COL3A1: variants seen among roughly 807,000 people sequenced by gnomAD.
The protein encoded by COL3A1 is collagen alpha-1(III) chain.
In COL3A1, 46 loss-of-function variants were observed where a neutral mutation model predicts 200.9. The observed-to-expected ratio is 0.23, with a 90% CI of 0.18 to 0.29. COL3A1 has a LOEUF of 0.29. COL3A1 is among the 10% of genes least tolerant of loss of function. The pLI is 1.00. For synonymous variants in COL3A1, 650 were observed against 628.0 expected (o/e 1.03, Z -0.52); for missense variants, 1,367 against 1,917.6 (o/e 0.71, Z 5.36).
At position 189,011,748 on chromosome 2, in the gene COL3A1, G is replaced by A; in HGVS notation, c.4375G>A (p.Asp1459Asn). 1.2e-6 allele frequency: 2 copies of A among 1,613,938 alleles called. No individual in the cohort carries two copies. Among genetic ancestry groups the A allele is most frequent in the Non-Finnish European group, 1.7e-6 (2 of 1,179,880 alleles). The change falls in exon 51 of 51, where the codon GAC becomes AAC. Residue 1459 changes from aspartate (D) to asparagine (N), a missense_variant. This residue lies in a region of COL3A1 where 846 missense variants were observed against 1,147.9 expected (regional missense o/e 0.74). Coordinates refer to ENST00000304636, the MANE Select transcript of COL3A1 (RefSeq NM_000090.4). ...IGGPDQEFGV[D>N]VGPVCFL Reference sequence around the variant, plus strand: ...TGGTCCTGATCAAGAATTTGGTGTGGACGTTGGCCCTGTTTGCTTTTTATA... The same window carrying A: ...TGGTCCTGATCAAGAATTTGGTGTGAACGTTGGCCCTGTTTGCTTTTTATA...
chr2:189,008,474 T>C, intron 47 of COL3A1: 1 of 414,484 alleles, frequency 2.4e-6, no homozygotes, highest in Non-Finnish European at 4.5e-6. Context: ...GTTTATGTAG[T>C]GCATTTTACT....
chr2:188,991,475 A>T lies in COL3A1; in HGVS notation c.853-12A>T. ...CTTTTGTAAAATAGTAACATATTTTATATGTATCTAGGGTGAAAATGGTCT... is the reference window on the plus strand; with the variant it reads ...CTTTTGTAAAATAGTAACATATTTTTTATGTATCTAGGGTGAAAATGGTCT... On this transcript the variant is annotated splice_polypyrimidine_tract_variant and intron_variant, in intron 11 of 50. Coordinates refer to ENST00000304636, the MANE Select transcript of COL3A1 (RefSeq NM_000090.4). 6.4e-7 allele frequency: 1 copy of T among 1,569,630 alleles called. No homozygotes were observed. The highest frequency in any genetic ancestry group is 8.7e-7 in the Non-Finnish European group (1 of 1,144,188).
chr2:188,998,573 TTTTGCTTATATTTACATA>T (rs1311684233), intron 28 of COL3A1, 83 bp from the exon 29 acceptor site: 250 of 1,229,158 alleles, frequency 2.0e-4, no homozygotes, highest in South Asian at 7.8e-4. Context: ...CAAATGTGTA[TTTTGCTTATATTTACATA>T]TTTGCTTATA....
chr2:188,987,259 C>T, intron 5 of COL3A1, 120 bp downstream of exon 5: 5 of 815,088 alleles, frequency 6.1e-6, no homozygotes, highest in South Asian at 4.3e-5. Flanking sequence ...ATAGCTTACC[C>T]CTACTAAGGT....
In COL3A1 at chr2:188,994,634, A is replaced by C. The variant is rs1290526928; in HGVS notation, c.1347+40A>C. The C allele has an allele frequency of 6.2e-7, 1 of 1,613,810 alleles. No individual in the cohort carries two copies. The highest frequency in any genetic ancestry group is 1.7e-5 in the Admixed American group (1 of 60,022). On this transcript the variant is annotated intron_variant, in intron 19 of 50. Transcript: ENST00000304636. This position sits in a 1 kb window ranked among gnomAD's most constrained non-coding sequence, Gnocchi z 4.5. ...AACAGATCTGGTTATTTCTTGAAAA[A>C]ATGCAACATAATTAGAAAGTAAACA...
chr2:189,008,151 T>C lies in COL3A1; in HGVS notation c.3525+9T>C. 3 of 1,600,908 alleles carry C rather than the reference T, an allele frequency of 1.9e-6. 1 individual carries two copies. In the South Asian group the frequency reaches 3.3e-5, roughly 18 times the overall value. ...GTGAAAGAGGATCTGAGGTAAGACA[T>C]CACTTATACGTATGTGTATTTAATT... On this transcript the variant is annotated intron_variant, in intron 47 of 50. Coordinates refer to ENST00000304636, the MANE Select transcript of COL3A1 (RefSeq NM_000090.4).
chr2:188,993,506 C>T, intron 16 of COL3A1, 47 bp downstream of exon 16: 1 of 1,382,482 alleles, frequency 7.2e-7, no homozygotes, highest in South Asian at 1.2e-5. Flanking sequence ...CATGCTTACT[C>T]CATGAAAGCA....
chr2:188,990,957 A>G (rs201650050), intron 10 of COL3A1, 47 bp from the exon 11 acceptor site: 3 of 1,566,418 alleles, frequency 1.9e-6, no homozygotes, highest in African/African-American at 2.7e-5. Context: ...ATCATTCTAG[A>G]TTATTAACAG....
intron 5 of COL3A1, among the ~76,000 whole-genome samples, chr2:188,987,424 T>C (rs1688086753): frequency 6.6e-6 from 1 of 151,748 alleles, no homozygotes; most frequent in South Asian, 2.1e-4. Context: ...AATGGAAATA[T>C]ACAAACTATT....
chr2:189,010,536 C>T (rs894458902), intron 49 of COL3A1, 112 bp from the exon 50 acceptor site: 6 of 1,510,524 alleles, frequency 4.0e-6, no homozygotes, highest in African/African-American at 2.8e-5. Flanking sequence ...AATACTCGTA[C>T]ATAAAATATA....
intron 7 of COL3A1, among the ~76,000 whole-genome samples, chr2:188,988,971 G>A (rs1179397544): frequency 6.6e-6 from 1 of 151,396 alleles, no homozygotes; most frequent in African/African-American, 2.4e-5. Context: ...GATAAATATA[G>A]TTATATATTT....
chr2:188,994,699 T>C lies in COL3A1; in HGVS notation c.1348-25T>C, dbSNP rs752491491. Reference sequence around the variant, plus strand: ...ACTAAATTCAGTCATAATTTCTTTATTTTACCATCTTTTTTTTTTTTCAGG... The same window carrying C: ...ACTAAATTCAGTCATAATTTCTTTACTTTACCATCTTTTTTTTTTTTCAGG... On this transcript the variant is annotated intron_variant, in intron 19 of 50. Transcript: ENST00000304636. The surrounding 1 kb of genome is among the most constrained non-coding windows in gnomAD (Gnocchi z 4.5). 6.2e-7 allele frequency: 1 copy of C among 1,610,436 alleles called. No homozygotes were observed. The highest frequency in any genetic ancestry group is 8.5e-7 in the Non-Finnish European group (1 of 1,177,812).
In COL3A1 at chr2:189,007,006, T is replaced by A; in HGVS notation, c.3255+16T>A. 1 of 1,610,126 alleles carries A rather than the reference T, an allele frequency of 6.2e-7. No homozygotes were observed. Among genetic ancestry groups the A allele is most frequent in the Non-Finnish European group, 8.5e-7 (1 of 1,178,750 alleles). Reference sequence around the variant, plus strand: ...AGGTGCTCCTGTAAGTTTTGTCATTTTTTGGTTTTATTTTGTTTTGTTCTT... The same window carrying A: ...AGGTGCTCCTGTAAGTTTTGTCATTATTTGGTTTTATTTTGTTTTGTTCTT... On this transcript the variant is annotated intron_variant, in intron 44 of 50. Transcript: ENST00000304636.
intron 44 of COL3A1, among the ~76,000 whole-genome samples, 182 bp downstream of exon 44, chr2:189,007,172 TA>T (rs1284822126): frequency 8.8e-6 from 1 of 113,944 alleles, no homozygotes; most frequent in Non-Finnish European, 1.8e-5. Flanking sequence ...GATAGATAGA[TA>T]GATAGATAGA....
chr2:188,984,749 T>C lies in COL3A1; in HGVS notation c.80-11T>C. On this transcript the variant is annotated splice_polypyrimidine_tract_variant and intron_variant, in intron 1 of 50. Coordinates refer to ENST00000304636, the MANE Select transcript of COL3A1 (RefSeq NM_000090.4). Reference sequence around the variant, plus strand: ...CTAAGGAAACTTCACGTCATCTAACTTGTTTTTCAGCTGTTGAAGGAGGAT... The same window carrying C: ...CTAAGGAAACTTCACGTCATCTAACCTGTTTTTCAGCTGTTGAAGGAGGAT... The C allele has an allele frequency of 6.2e-7, 1 of 1,612,540 alleles. No homozygotes were observed. Among genetic ancestry groups the C allele is most frequent in the Non-Finnish European group, 8.5e-7 (1 of 1,178,864 alleles).
At chr2:188,997,315 C>A in intron 25 of COL3A1, 21 bp from the exon 26 acceptor site, 1 of 1,613,636 alleles carries the variant, frequency 6.2e-7, no homozygotes, top group South Asian at 1.1e-5. Flanking sequence ...TTTCTACTTC[C>A]CTAACTGTTC....
rs1688311383 is a variant in COL3A1, at chr2:188,996,282, ATGTATATG to A, written c.1662+106_1663-107del. 10 of 766,322 alleles carry A rather than the reference ATGTATATG, an allele frequency of 1.3e-5. No homozygotes were observed. In the African/African-American group the frequency reaches 1.9e-4, roughly 15 times the overall value. 47.5% of individuals were successfully genotyped at this position (766,322 alleles called of 1,614,324 possible). A position where few individuals can be genotyped will look rare whatever the true frequency, so the allele number is the denominator to read the frequency against. On this transcript the variant is annotated intron_variant, in intron 23 of 50. Transcript: ENST00000304636. ...TGTGTGTGTGTGTGTATATATATAT[ATGTATATG>A]TATATCTATATATATACACACACAC...
chr2:188,988,057 T>C, intron 5 of COL3A1, 24 bp from the exon 6 acceptor site: 1 of 1,586,082 alleles, frequency 6.3e-7, no homozygotes, highest in Non-Finnish European at 8.7e-7. Flanking sequence ...TTTATTTTGT[T>C]TTTCATTCAA....
At position 188,984,799 on chromosome 2, in the gene COL3A1, C is replaced by G. The variant is rs201380807; in HGVS notation, c.119C>G (p.Ala40Gly). 6.2e-7 allele frequency: 1 copy of G among 1,613,006 alleles called. No homozygotes were observed. Among genetic ancestry groups the G allele is most frequent in the Admixed American group, 1.7e-5 (1 of 59,924 alleles). The part of the protein sequence containing the change: ...GGCSHLGQSY[A>G]DRDVWKPEPC... Reference sequence around the variant, plus strand: ...TGTTCCCATCTTGGTCAGTCCTATGCGGATAGAGATGTCTGGAAGCCAGAA... The same window carrying G: ...TGTTCCCATCTTGGTCAGTCCTATGGGGATAGAGATGTCTGGAAGCCAGAA... Residue 40 changes from alanine (A) to glycine (G), a missense_variant, in exon 2 of 51, where the codon GCG becomes GGG. Physicochemically the swap from Ala to Gly is moderately conservative, Grantham distance 60. This residue lies in a region of COL3A1 where 55 missense variants were observed against 51.5 expected (regional missense o/e 1.07). Transcript: ENST00000304636.
Sources: gnomAD v4.1 joint callset for allele counts (sites outside exome capture counted in the v4.1 genomes callset) on GRCh38, gnomAD v4.1.1 for gene constraint, gnomAD v4.1.1 regional missense constraint, Gnocchi (gnomAD v3.1) non-coding constraint, MANE v1.5 for transcripts, NCBI Gene and HGNC (gene_info 2026-07-23, HGNC 2026-07-21) for gene names.